THSD4: variants seen among roughly 807,000 people sequenced by gnomAD.
The protein encoded by THSD4 is thrombospondin type 1 domain containing 4.
In THSD4, 69 loss-of-function variants were observed where a neutral mutation model predicts 119.0. The observed-to-expected ratio is 0.58, with a 90% confidence interval of 0.48 to 0.71. The LOEUF is 0.71. Among genes scored for constraint, THSD4 ranks in the 30% least tolerant of loss-of-function variants. The pLI is 0.00. For synonymous variants in THSD4, 524 were observed against 540.4 expected, an observed-to-expected ratio of 0.97 and a Z score of 0.42; for missense variants, 1,393 against 1,391.1, an observed-to-expected ratio of 1.00 and a Z score of -0.02.
chr15:71,693,968 ATATACCAC>A (rs2052107902), intron 8 of THSD4, among the ~76,000 whole-genome samples: 2 of 151,826 alleles, frequency 1.3e-5, no homozygotes, highest in African/African-American at 2.4e-5. Context: ...GAACAGAATC[ATATACCAC>A]TGCACTCAGG....
chr15:71,698,373 C>T (rs1313236356), intron 8 of THSD4, among the ~76,000 whole-genome samples: 1 of 152,072 alleles, frequency 6.6e-6, no homozygotes, highest in East Asian at 2.0e-4. Flanking sequence ...CCCTTACACA[C>T]TGGTAGTGGG....
At chr15:71,340,948 G>A (rs1030149402) in intron 6 of THSD4, among the ~76,000 whole-genome samples, 1 of 152,054 alleles carries the variant, frequency 6.6e-6, no homozygotes, top group Non-Finnish European at 1.5e-5. Context: ...TTATGAAAAC[G>A]GGTTGGGAGG....
chr15:71,763,851 G>A (rs968322652), intron 15 of THSD4, among the ~76,000 whole-genome samples: 1 of 152,102 alleles, frequency 6.6e-6, no homozygotes, highest in African/African-American at 2.4e-5. Flanking sequence ...GATCATTTGG[G>A]TTCAGGAGTT....
chr15:71,640,954 G>T (rs1333968521), intron 7 of THSD4, among the ~76,000 whole-genome samples: 1 of 149,868 alleles, frequency 6.7e-6, no homozygotes, highest in Non-Finnish European at 1.5e-5. Context: ...TGATGATTTA[G>T]ATCTTTCCTT....
At chr15:71,115,410 C>G (rs1348831537), upstream of THSD4, 1 of 152,196 alleles carries the variant, frequency 6.6e-6, no homozygotes, top group Non-Finnish European at 1.5e-5. This position sits in a 1 kb window ranked among gnomAD's most constrained non-coding sequence, Gnocchi z 4.4. Flanking sequence ...CAGATGACAG[C>G]GGGAGGCCGC....
intron 7 of THSD4, 25 bp from the exon 8 acceptor site, chr15:71,660,504 GT>G: frequency 1.2e-6 from 2 of 1,613,640 alleles, no homozygotes; most frequent in Middle Eastern, 1.7e-4. Flanking sequence ...CATACTATGA[GT>G]CTTTTGTTTT....
chr15:71,152,094 T>G (rs1038730737), intron 2 of THSD4, among the ~76,000 whole-genome samples: 4 of 152,138 alleles, frequency 2.6e-5, no homozygotes, highest in Admixed American at 2.6e-4. Flanking sequence ...ACACCCCTTG[T>G]TTGGAAGAAT....
At chr15:71,332,448 C>T (rs2045433181) in intron 6 of THSD4, among the ~76,000 whole-genome samples, 1 of 152,118 alleles carries the variant, frequency 6.6e-6, no homozygotes, top group Admixed American at 6.5e-5. Context: ...CTGTAAAATG[C>T]AGAAGGAGTA....
intron 1 of THSD4, among the ~76,000 whole-genome samples, chr15:71,099,130 T>G (rs938528250): frequency 1.3e-5 from 2 of 152,190 alleles, no homozygotes; most frequent in African/African-American, 4.8e-5. Flanking sequence ...CTCCACCCCA[T>G]GACCACCACT....
chr15:71,661,135 T>G (rs1296218336), intron 8 of THSD4, among the ~76,000 whole-genome samples: 4 of 152,204 alleles, frequency 2.6e-5, no homozygotes, highest in African/African-American at 7.2e-5. Flanking sequence ...CTTCACTCCC[T>G]GGAGGTCTAA....
chr15:71,169,248 A>G (rs2043328069), intron 3 of THSD4, among the ~76,000 whole-genome samples: 1 of 152,240 alleles, frequency 6.6e-6, no homozygotes, highest in African/African-American at 2.4e-5. Context: ...TCAGTGTGAC[A>G]CTACCAGAAT....
At chr15:71,575,909 A>G (rs2049440162) in intron 7 of THSD4, among the ~76,000 whole-genome samples, 1 of 152,218 alleles carries the variant, frequency 6.6e-6, no homozygotes, top group Non-Finnish European at 1.5e-5. Context: ...AGAGGTTCCT[A>G]AATCCTTCTC....
intron 14 of THSD4, among the ~76,000 whole-genome samples, chr15:71,757,433 A>T (rs1049097811): frequency 5.4e-5 from 8 of 149,268 alleles, no homozygotes; most frequent in Non-Finnish European, 8.9e-5. Context: ...ATATTTTTTT[A>T]TTTTTATTTT....
rs568734021 is a variant in THSD4, at chr15:71,691,350, A to G, written c.1357+30616A>G. ...GTGATTTGTTACAACAGCAAATAGG[A>G]AAAGAATACACTCACCTTCCTTTAT... On this transcript the variant is annotated intron_variant, in intron 8 of 17. Transcript: ENST00000261862. 2.6e-5 allele frequency among the ~76,000 whole-genome samples: 4 copies of G among 152,338 alleles called. No individual in the cohort carries two copies. The East Asian group carries it at 5.8e-4, about 22-fold the overall frequency.
chr15:71,463,140 CATCCA>C (rs796446261), intron 7 of THSD4, among the ~76,000 whole-genome samples: 8 of 152,332 alleles, frequency 5.3e-5, no homozygotes, highest in African/African-American at 1.9e-4. Context: ...CATTCACCTC[CATCCA>C]ATTCCTTCTC....
intron 7 of THSD4, among the ~76,000 whole-genome samples, chr15:71,443,634 T>A (rs2047139690): frequency 6.6e-6 from 1 of 152,150 alleles, no homozygotes; most frequent in Non-Finnish European, 1.5e-5. Context: ...CCCTTCCAGG[T>A]CCCCCTGCTG....
intron 6 of THSD4, among the ~76,000 whole-genome samples, chr15:71,322,769 C>T (rs531553957): frequency 2.5e-4 from 38 of 152,240 alleles, no homozygotes; most frequent in African/African-American, 7.9e-4. Context: ...CCTCCTGACA[C>T]GGTGACTGGC....
intron 8 of THSD4, among the ~76,000 whole-genome samples, chr15:71,673,542 T>C (rs1206019678): frequency 2.0e-5 from 3 of 152,224 alleles, no homozygotes; most frequent in African/African-American, 7.2e-5. Flanking sequence ...CTTTTGAATT[T>C]GTTTGCTCTT....
chr15:71,263,507 C>G (rs917890110), intron 6 of THSD4, among the ~76,000 whole-genome samples: 2 of 151,866 alleles, frequency 1.3e-5, no homozygotes, highest in Non-Finnish European at 2.9e-5. Context: ...GGGTATGTAC[C>G]CAGAAATGGG....
Sources: allele counts gnomAD v4.1 joint callset (sites outside exome capture counted in the v4.1 genomes callset), GRCh38; gene constraint gnomAD v4.1.1; non-coding constraint Gnocchi (gnomAD v3.1); transcripts MANE v1.5; gene names NCBI Gene and HGNC (gene_info 2026-07-23, HGNC 2026-07-21).